Variants in RELN observed in about 807,000 individuals in gnomAD.
RELN encodes reelin.
RELN carries 108 observed loss-of-function variants against 427.6 expected under a neutral mutation model. The ratio of observed to expected loss-of-function variants is 0.25; its 90% confidence interval spans 0.22 to 0.30. The LOEUF is 0.30. Among genes scored for constraint, RELN ranks in the 10% least tolerant of loss-of-function variants. RELN has a pLI of 1.00. For synonymous variants in RELN, 1,524 were observed against 1,513.4 expected (o/e 1.01, Z -0.16); for missense variants, 3,715 against 4,302.8 (o/e 0.86, Z 3.82).
At chr7:103,644,211 A>T (rs903332627) in intron 16 of RELN, among the ~76,000 whole-genome samples, 1 of 151,884 alleles carries the variant, frequency 6.6e-6, no homozygotes, top group African/African-American at 2.4e-5. Context: ...GCAAAAACAG[A>T]GTGTTAAAAA....
chr7:103,948,321 T>C (rs1796260559), intron 1 of RELN, among the ~76,000 whole-genome samples: 1 of 152,172 alleles, frequency 6.6e-6, no homozygotes, highest in Non-Finnish European at 1.5e-5. Context: ...ATATAATCAG[T>C]ATACTTAAGT....
At chr7:103,710,043 A>G (rs912213149) in intron 8 of RELN, among the ~76,000 whole-genome samples, 5 of 152,350 alleles carry the variant, frequency 3.3e-5, no homozygotes, top group Middle Eastern at 3.4e-3. Flanking sequence ...ATATTTATCA[A>G]TGTAACAAAT....
chr7:103,501,623 G>A (rs58689204), intron 52 of RELN, among the ~76,000 whole-genome samples: 2,315 of 152,212 alleles, frequency 0.015, 62 homozygotes, highest in African/African-American at 0.053. Context: ...TCTGTATCTT[G>A]TTTTATGTGG....
chr7:103,851,350 G>C (rs777520870), intron 2 of RELN, among the ~76,000 whole-genome samples: 8 of 152,060 alleles, frequency 5.3e-5, no homozygotes, highest in Admixed American at 5.2e-4. Context: ...AGTGGGAGGA[G>C]GTAAGGGATA....
In RELN at chr7:103,503,142, T is replaced by C. The variant is rs1259871212; in HGVS notation, c.8363A>G (p.Tyr2788Cys). ...AGCAGGCAAGCACTGAGGGACCAGA[T>C]AATTCCAACTCACACCGAAGTCAGT... ...YSTDFGVSWN[Y>C]LVPQCLPADP... The change falls in exon 52 of 65, where the codon TAT becomes TGT. Residue 2788 changes from tyrosine (Y) to cysteine (C), a missense_variant. Around this residue, in one of 4 missense-constraint regions of RELN, gnomAD observed 1,310 missense variants for 1,643.0 expected, o/e 0.80. Transcript: ENST00000428762. The C allele has an allele frequency of 3.1e-6, 5 of 1,614,118 alleles. No individual in the cohort carries two copies. Among genetic ancestry groups the C allele is most frequent in the Non-Finnish European group, 4.2e-6 (5 of 1,180,046 alleles).
intron 2 of RELN, among the ~76,000 whole-genome samples, chr7:103,836,401 G>A (rs369235991): frequency 6.6e-6 from 1 of 152,094 alleles, no homozygotes; most frequent in East Asian, 1.9e-4. Flanking sequence ...ATGCTCAATA[G>A]CACATGTGGC....
At chr7:103,546,646 A>G (rs951475912) in intron 41 of RELN, among the ~76,000 whole-genome samples, 2 of 152,068 alleles carry the variant, frequency 1.3e-5, no homozygotes, top group African/African-American at 2.4e-5. Flanking sequence ...AAGTGTGTCT[A>G]TTTCCTCTAT....
In RELN at chr7:103,486,593, G is replaced by GA. The variant is rs200630855; in HGVS notation, c.9764-178dup. Reference sequence around the variant, plus strand: ...CAAACAACCCCATCAAAAAGTGGGTGAGGTTTTGAACAGACACTTCTCAAA... The same window carrying GA: ...CAAACAACCCCATCAAAAAGTGGGTGAAGGTTTTGAACAGACACTTCTCAAA... On this transcript the variant is annotated intron_variant, in intron 60 of 64. Transcript: ENST00000428762. Among the ~76,000 whole-genome samples, 2,264 of 150,600 alleles carry GA rather than the reference G, an allele frequency of 0.015. 67 individuals carry two copies. The highest frequency in any genetic ancestry group is 0.053 in the African/African-American group (2,166 of 41,178).
At chr7:103,977,714 A>G (rs1796910567) in intron 1 of RELN, among the ~76,000 whole-genome samples, 3 of 152,212 alleles carry the variant, frequency 2.0e-5, no homozygotes, top group East Asian at 3.9e-4. Flanking sequence ...GACACGAATC[A>G]TTTCTACATC....
intron 13 of RELN, among the ~76,000 whole-genome samples, chr7:103,652,986 C>G (rs1460449705): frequency 6.6e-6 from 1 of 151,950 alleles, no homozygotes; most frequent in Non-Finnish European, 1.5e-5. Flanking sequence ...GGGGTCTCTG[C>G]GTGTGTTTGA....
At chr7:103,532,944 A>G (rs1421464231) in intron 46 of RELN, among the ~76,000 whole-genome samples, 1 of 152,144 alleles carries the variant, frequency 6.6e-6, no homozygotes, top group African/African-American at 2.4e-5. Flanking sequence ...CCAAATTAAA[A>G]GCTCCTTGAG....
chr7:103,944,228 T>C (rs1584389766), intron 1 of RELN, among the ~76,000 whole-genome samples: 1 of 152,106 alleles, frequency 6.6e-6, no homozygotes, highest in East Asian at 1.9e-4. Flanking sequence ...TAAGAATAAA[T>C]CATAAGAAAA....
chr7:103,989,243 GA>G lies in RELN; in HGVS notation c.113del (p.Phe38SerfsTer39). The G allele has an allele frequency of 6.2e-7, 1 of 1,614,006 alleles. No individual in the cohort carries two copies. Among genetic ancestry groups the G allele is most frequent in the Non-Finnish European group, 8.5e-7 (1 of 1,179,960 alleles). ...GYYPRFSPFF[F>X]LCTHHGELEG... ...CCAGCTCCCCGTGGTGGGTGCACAG[GA>G]AAAAGAAGGGCGAAAAGCGGGGGTA... On this transcript the variant is annotated frameshift_variant, in exon 1 of 65. Coordinates refer to ENST00000428762, the MANE Select transcript of RELN (RefSeq NM_005045.4). LOFTEE classifies it high-confidence loss of function. This position sits in a 1 kb window ranked among gnomAD's most constrained non-coding sequence, Gnocchi z 4.9.
chr7:103,577,826 G>A (rs1416350942), intron 28 of RELN, among the ~76,000 whole-genome samples: 1 of 152,226 alleles, frequency 6.6e-6, no homozygotes, highest in East Asian at 1.9e-4. Flanking sequence ...TAGAAGTCAT[G>A]CTTGCTGCTT....
At chr7:103,731,321 G>A (rs928033319) in intron 6 of RELN, among the ~76,000 whole-genome samples, 23 of 152,034 alleles carry the variant, frequency 1.5e-4, no homozygotes, top group African/African-American at 5.3e-4. Flanking sequence ...TAGTTCAGTG[G>A]GTCAGTATGA....
intron 2 of RELN, among the ~76,000 whole-genome samples, chr7:103,905,153 A>G (rs1584352390): frequency 6.6e-6 from 1 of 151,442 alleles, no homozygotes; most frequent in South Asian, 2.1e-4. Context: ...GCTAATTTTT[A>G]TATTTTTAGT....
At chr7:103,901,514 T>A (rs3898843) in intron 2 of RELN, among the ~76,000 whole-genome samples, 45,748 of 151,894 alleles carry the variant, frequency 0.3, 6,975 homozygotes, top group East Asian at 0.42. Flanking sequence ...TTTCCATCAA[T>A]AGATTGAATG....
At chr7:103,951,841 T>C (rs1263708900) in intron 1 of RELN, among the ~76,000 whole-genome samples, 1 of 152,158 alleles carries the variant, frequency 6.6e-6, no homozygotes, top group Non-Finnish European at 1.5e-5. Context: ...CCTGGCTAAT[T>C]TTTGTATTTT....
intron 1 of RELN, among the ~76,000 whole-genome samples, chr7:103,917,485 C>T (rs971130300): frequency 3.3e-5 from 5 of 151,780 alleles, no homozygotes; most frequent in Admixed American, 2.0e-4. Flanking sequence ...ATGGTTTCCC[C>T]ACCTCCACTA....
Sources: allele counts gnomAD v4.1 joint callset (sites outside exome capture counted in the v4.1 genomes callset), GRCh38; gene constraint gnomAD v4.1.1; regional missense constraint gnomAD v4.1.1; non-coding constraint Gnocchi (gnomAD v3.1); transcripts MANE v1.5; gene names NCBI Gene and HGNC (gene_info 2026-07-23, HGNC 2026-07-21).